Variants in GRIN3A observed in about 807,000 individuals in gnomAD.
GRIN3A encodes glutamate ionotropic receptor NMDA type subunit 3A.
A neutral mutation model predicts 92.4 loss-of-function variants in GRIN3A; 47 were observed. The observed-to-expected ratio is 0.51, with a 90% CI of 0.40 to 0.65. The LOEUF is 0.65. Ranked by LOEUF, GRIN3A falls within the 30% of genes least tolerant of loss-of-function variation. The probability of loss-of-function intolerance (pLI) is 0.00; values close to 1 mark genes in which losing one functional copy is unlikely to be tolerated. For synonymous variants in GRIN3A, 527 were observed against 540.6 expected (o/e 0.97, Z 0.35); for missense variants, 1,324 against 1,393.1 (o/e 0.95, Z 0.79).
intron 3 of GRIN3A, 140 bp downstream of exon 3, chr9:101,669,920 G>T (rs1829294562): frequency 3.1e-6 from 2 of 648,658 alleles, no homozygotes; most frequent in Non-Finnish European, 5.3e-6. Context: ...CCAGGCAACA[G>T]ACTTTTGGAC....
intron 3 of GRIN3A, among the ~76,000 whole-genome samples, chr9:101,631,207 A>G (rs867199655): frequency 2.6e-5 from 4 of 152,316 alleles, no homozygotes; most frequent in African/African-American, 9.6e-5. Context: ...TGTATTTCTA[A>G]TGCCTTTCAT....
intron 6 of GRIN3A, among the ~76,000 whole-genome samples, chr9:101,612,065 A>G (rs1234052055): frequency 6.6e-6 from 1 of 152,204 alleles, no homozygotes; most frequent in African/African-American, 2.4e-5. Context: ...TGTCCCATTA[A>G]CATGGGAGGC....
At chr9:101,650,753 G>A (rs1829003965) in intron 3 of GRIN3A, among the ~76,000 whole-genome samples, 1 of 151,964 alleles carries the variant, frequency 6.6e-6, no homozygotes, top group African/African-American at 2.4e-5. Context: ...CAGCACTCAT[G>A]TCATTTGGTC....
chr9:101,730,856 A>G (rs1279037675), intron 1 of GRIN3A, among the ~76,000 whole-genome samples: 1 of 152,070 alleles, frequency 6.6e-6, no homozygotes, highest in African/African-American at 2.4e-5. Context: ...ATTATTTTTT[A>G]ATTCTGTAGG....
chr9:101,726,436 T>G, intron 1 of GRIN3A, among the ~76,000 whole-genome samples: 1 of 152,194 alleles, frequency 6.6e-6, no homozygotes, highest in East Asian at 1.9e-4. Context: ...AAACACCTTC[T>G]GGTGGTACAG....
chr9:101,620,779 A>AT (rs1023479773), intron 5 of GRIN3A, among the ~76,000 whole-genome samples: 10 of 152,068 alleles, frequency 6.6e-5, no homozygotes, highest in African/African-American at 2.4e-4. Context: ...CGCTTTGATG[A>AT]TTTTTTATAC....
rs35592131 is a variant in GRIN3A, at chr9:101,595,319, C to CTTTTT, written c.2767-15964_2767-15960dup. The stretch of plus-strand genomic sequence containing the variant: ...TGGCAATTATTTTATCTACTTATTT[C>CTTTTT]TTTTTTTTTTTTCTCTGAGAAAGTA... On this transcript the variant is annotated intron_variant, in intron 6 of 8. Coordinates refer to ENST00000361820, the MANE Select transcript of GRIN3A (RefSeq NM_133445.3). Among the ~76,000 whole-genome samples the CTTTTT allele has an allele frequency of 2.7e-5, 4 of 146,936 alleles. No individual in the cohort carries two copies. The South Asian group carries it at 6.5e-4, about 24-fold the overall frequency.
intron 6 of GRIN3A, among the ~76,000 whole-genome samples, chr9:101,596,024 A>G (rs547410281): frequency 6.6e-6 from 1 of 152,338 alleles, no homozygotes; most frequent in South Asian, 2.1e-4. Context: ...CTCCAAATGC[A>G]TAAGAAACAA....
intron 1 of GRIN3A, among the ~76,000 whole-genome samples, chr9:101,723,729 G>T (rs1175789021): frequency 6.6e-6 from 1 of 152,096 alleles, no homozygotes; most frequent in Non-Finnish European, 1.5e-5. Context: ...TGGACACAAA[G>T]GTTCTCCAAG....
chr9:101,628,059 C>T (rs548803188), intron 4 of GRIN3A, among the ~76,000 whole-genome samples, 197 bp downstream of exon 4: 1 of 152,342 alleles, frequency 6.6e-6, no homozygotes, highest in East Asian at 1.9e-4. Context: ...ATGCAGGTCA[C>T]AAGTAATCTA....
chr9:101,674,149 T>A (rs1829363055), intron 2 of GRIN3A, among the ~76,000 whole-genome samples: 1 of 151,286 alleles, frequency 6.6e-6, no homozygotes, highest in Non-Finnish European at 1.5e-5. Context: ...AGGAGGGAGA[T>A]GAGGATAGGA....
At chr9:101,725,093 G>C (rs1248320127) in intron 1 of GRIN3A, among the ~76,000 whole-genome samples, 2 of 152,100 alleles carry the variant, frequency 1.3e-5, no homozygotes, top group African/African-American at 4.8e-5. Context: ...CCAATTTTGT[G>C]AATTAATGCT....
At chr9:101,678,007 T>A in intron 2 of GRIN3A, among the ~76,000 whole-genome samples, 1 of 152,108 alleles carries the variant, frequency 6.6e-6, no homozygotes. Flanking sequence ...GAATTGCTGT[T>A]CTCCCTTCCC....
At chr9:101,645,283 T>G (rs1157362083) in intron 3 of GRIN3A, among the ~76,000 whole-genome samples, 1 of 151,906 alleles carries the variant, frequency 6.6e-6, no homozygotes, top group Non-Finnish European at 1.5e-5. Flanking sequence ...TTATTTTACT[T>G]AAACTAATGA....
intron 2 of GRIN3A, among the ~76,000 whole-genome samples, chr9:101,683,911 T>C (rs1329318878): frequency 6.7e-6 from 1 of 150,288 alleles, no homozygotes; most frequent in African/African-American, 2.4e-5. Flanking sequence ...ACAGAAATCA[T>C]CCAGTATTTA....
chr9:101,588,464 T>G (rs1827976940), intron 6 of GRIN3A, among the ~76,000 whole-genome samples: 1 of 152,190 alleles, frequency 6.6e-6, no homozygotes, highest in Non-Finnish European at 1.5e-5. Context: ...TCTCCCTGTT[T>G]CTTGGGATTC....
intron 6 of GRIN3A, among the ~76,000 whole-genome samples, chr9:101,606,285 G>T (rs1307107324): frequency 1.3e-5 from 2 of 152,062 alleles, no homozygotes; most frequent in Non-Finnish European, 2.9e-5. Context: ...CTCCTGCTTT[G>T]TGCCCTGGGA....
At chr9:101,701,305 GA>G (rs749981246) in intron 1 of GRIN3A, among the ~76,000 whole-genome samples, 1 of 152,072 alleles carries the variant, frequency 6.6e-6, no homozygotes, top group Non-Finnish European at 1.5e-5. Flanking sequence ...TTGTTGTACA[GA>G]TTATTTCATC....
intron 3 of GRIN3A, among the ~76,000 whole-genome samples, chr9:101,665,780 A>T (rs1295541998): frequency 6.6e-6 from 1 of 151,994 alleles, no homozygotes; most frequent in Non-Finnish European, 1.5e-5. Flanking sequence ...AAAAATGAAA[A>T]GGGAATTTTG....
Sources: gnomAD v4.1 joint callset for allele counts (sites outside exome capture counted in the v4.1 genomes callset) on GRCh38, gnomAD v4.1.1 for gene constraint, MANE v1.5 for transcripts, NCBI Gene and HGNC (gene_info 2026-07-23, HGNC 2026-07-21) for gene names.